MAP2K4: variants seen among roughly 807,000 people sequenced by gnomAD.
The protein encoded by MAP2K4 is dual specificity mitogen-activated protein kinase kinase 4.
A neutral mutation model predicts 48.5 loss-of-function variants in MAP2K4; 4 were observed. The observed-to-expected ratio is 0.08, with a 90% confidence interval of 0.04 to 0.19. The LOEUF is 0.19. Ranked by LOEUF, MAP2K4 falls within the 10% of genes least tolerant of loss-of-function variation. The pLI, the probability that MAP2K4 is intolerant of heterozygous loss-of-function variation, is 1.00. For synonymous variants in MAP2K4, 166 were observed against 173.1 expected, an observed-to-expected ratio of 0.96 and a Z score of 0.32; for missense variants, 258 against 493.3, an observed-to-expected ratio of 0.52 and a Z score of 4.52.
At chr17:12,056,598 G>A (rs1970289268) in intron 2 of MAP2K4, among the ~76,000 whole-genome samples, 1 of 152,056 alleles carries the variant, frequency 6.6e-6, no homozygotes, top group African/African-American at 2.4e-5. Flanking sequence ...ATTCTGGTAT[G>A]TAAAAATTTT....
chr17:12,060,142 G>A (rs1472118514), intron 2 of MAP2K4, among the ~76,000 whole-genome samples: 1 of 151,710 alleles, frequency 6.6e-6, no homozygotes, highest in Non-Finnish European at 1.5e-5. Flanking sequence ...ACTCCAGCCT[G>A]TGTAAGAGTT....
At chr17:12,111,508 C>CTTTTT (rs1972304211) in intron 6 of MAP2K4, among the ~76,000 whole-genome samples, 1 of 146,586 alleles carries the variant, frequency 6.8e-6, no homozygotes. Flanking sequence ...TCTTTGTTAG[C>CTTTTT]TGTGTTCTAT....
intron 1 of MAP2K4, among the ~76,000 whole-genome samples, chr17:12,048,864 C>T (rs1466408022): frequency 6.6e-6 from 1 of 151,928 alleles, no homozygotes; most frequent in Non-Finnish European, 1.5e-5. Context: ...ACCATGTTGG[C>T]CTGGCTGGTC....
chr17:12,069,798 C>A, intron 2 of MAP2K4: 2 of 777,680 alleles, frequency 2.6e-6, no homozygotes, highest in South Asian at 1.7e-5. Flanking sequence ...CAGTATTCAT[C>A]TAGAGATCGT....
intron 1 of MAP2K4, among the ~76,000 whole-genome samples, chr17:12,039,315 G>C (rs912080389): frequency 1.4e-4 from 21 of 152,286 alleles, no homozygotes; most frequent in African/African-American, 5.1e-4. Flanking sequence ...GATGCTTTTA[G>C]CAAAATTTTT....
At chr17:12,103,950 A>G (rs1181096224) in intron 4 of MAP2K4, among the ~76,000 whole-genome samples, 4 of 151,800 alleles carry the variant, frequency 2.6e-5, no homozygotes, top group African/African-American at 9.7e-5. Context: ...TCATTTTTTT[A>G]TAATTATAAA....
chr17:12,114,796 A>G (rs1972431867), intron 7 of MAP2K4, among the ~76,000 whole-genome samples: 1 of 152,320 alleles, frequency 6.6e-6, no homozygotes, highest in East Asian at 1.9e-4. Flanking sequence ...TCAGCTTTCT[A>G]AGAAAGACTC....
chr17:12,099,618 A>G (rs79501593), intron 4 of MAP2K4, among the ~76,000 whole-genome samples: 7,361 of 152,278 alleles, frequency 0.048, 249 homozygotes, highest in Non-Finnish European at 0.074. Context: ...AGTCCAAAGT[A>G]CAGCTTGGAT....
intron 6 of MAP2K4, among the ~76,000 whole-genome samples, chr17:12,112,465 CAAAA>C (rs11370279): frequency 4.6e-5 from 4 of 86,664 alleles, no homozygotes; most frequent in African/African-American, 9.9e-5. Flanking sequence ...ACTCTTGTCT[CAAAA>C]AAAAAAAAAA....
Position 12,020,928 on chromosome 17 carries a change from C to T in MAP2K4, c.42C>T (p.Gly14=). Residue 14 remains glycine (G), a synonymous_variant, in exon 1 of 11, where the codon GGC becomes GGT. Transcript: ENST00000353533. ...PSPSGGGGSG[G]GSGSGTPGPV... is the part of the protein sequence containing the mutation. ...CGAGCGGCGGCGGCGGCTCCGGGGG[C>T]GGCAGCGGCAGCGGCACCCCCGGCC... is the stretch of plus-strand genomic sequence containing the variant. 5.0e-6 allele frequency: 6 copies of T among 1,196,284 alleles called. No homozygotes were observed. The highest frequency in any genetic ancestry group is 6.2e-6 in the Non-Finnish European group (6 of 967,430). 74.1% of individuals were successfully genotyped at this position (1,196,284 alleles called of 1,614,324 possible).
intron 4 of MAP2K4, among the ~76,000 whole-genome samples, chr17:12,105,252 G>A (rs1972069955): frequency 6.6e-6 from 1 of 152,080 alleles, no homozygotes; most frequent in Non-Finnish European, 1.5e-5. Context: ...ATTAATTTGG[G>A]AGAATTTGAC....
chr17:12,063,016 A>G (rs915498042), intron 2 of MAP2K4, among the ~76,000 whole-genome samples: 5 of 151,986 alleles, frequency 3.3e-5, no homozygotes, highest in African/African-American at 4.8e-5. Context: ...TCTAGGAAAG[A>G]CAATTTATTA....
intron 8 of MAP2K4, among the ~76,000 whole-genome samples, chr17:12,127,251 A>G (rs1239480429): frequency 6.6e-6 from 1 of 152,214 alleles, no homozygotes; most frequent in Non-Finnish European, 1.5e-5. Flanking sequence ...TGTGAAGCCA[A>G]CCAGCTAAAG....
chr17:12,062,213 T>C (rs1970473167), intron 2 of MAP2K4, among the ~76,000 whole-genome samples: 1 of 152,222 alleles, frequency 6.6e-6, no homozygotes, highest in Non-Finnish European at 1.5e-5. Context: ...TCATCTTTTT[T>C]TATTTTTCAC....
At chr17:12,028,019 A>C (rs745460569) in intron 1 of MAP2K4, among the ~76,000 whole-genome samples, 1 of 152,124 alleles carries the variant, frequency 6.6e-6, no homozygotes, top group Non-Finnish European at 1.5e-5. Context: ...TTGGTTGGAC[A>C]TTTTAGATAT....
At chr17:12,066,503 A>G (rs1029339991) in intron 2 of MAP2K4, among the ~76,000 whole-genome samples, 13 of 152,066 alleles carry the variant, frequency 8.5e-5, no homozygotes, top group African/African-American at 3.1e-4. Flanking sequence ...TTCTGAATTA[A>G]CACATACCCT....
At chr17:12,119,832 G>A (rs904703712) in intron 7 of MAP2K4, among the ~76,000 whole-genome samples, 3 of 152,248 alleles carry the variant, frequency 2.0e-5, no homozygotes, top group African/African-American at 7.2e-5. Context: ...ATGAGAGCAT[G>A]TCCTTTGTGG....
At chr17:12,033,990 T>C (rs77723835) in intron 1 of MAP2K4, among the ~76,000 whole-genome samples, 118 of 152,240 alleles carry the variant, frequency 7.8e-4, no homozygotes, top group Non-Finnish European at 1.2e-3. Context: ...GGAATCTTGC[T>C]ATGTTGCCCA....
At chr17:12,042,009 C>T (rs922916096) in intron 1 of MAP2K4, among the ~76,000 whole-genome samples, 3 of 151,642 alleles carry the variant, frequency 2.0e-5, no homozygotes, top group African/African-American at 7.3e-5. Context: ...GGCGAAACCC[C>T]GTCTCTATTA....
Sources: allele counts gnomAD v4.1 joint callset (sites outside exome capture counted in the v4.1 genomes callset), GRCh38; gene constraint gnomAD v4.1.1; transcripts MANE v1.5; gene names NCBI Gene and HGNC (gene_info 2026-07-23, HGNC 2026-07-21).